The following TRPM8 variants were observed in gnomAD, a reference collection of about 807,000 sequenced individuals.
TRPM8 encodes the protein TRPM8 cationic channel.
Under a neutral mutation model 133.7 loss-of-function variants are expected in TRPM8, and 110 were observed. The ratio of observed to expected loss-of-function variants is 0.82; its 90% CI spans 0.70 to 0.96. The LOEUF (loss-of-function observed/expected upper bound fraction) is 0.96, where lower values mean the gene tolerates loss of function less well. Ranked by LOEUF, TRPM8 falls within the 40% of genes least tolerant of loss-of-function variation. The probability of loss-of-function intolerance (pLI) is 0.00; values close to 1 mark genes in which losing one functional copy is unlikely to be tolerated. For synonymous variants in TRPM8, 535 were observed against 532.3 expected (o/e 1.01, Z -0.07); for missense variants, 1,291 against 1,379.5 (o/e 0.94, Z 1.02).
intron 23 of TRPM8, 22 bp from the exon 24 acceptor site, chr2:234,008,048 T>C (rs372060051): frequency 1.1e-5 from 18 of 1,608,440 alleles, no homozygotes; most frequent in Non-Finnish European, 1.4e-5. Context: ...GTTCACTTTC[T>C]TTTTCATTAA....
intron 22 of TRPM8, among the ~76,000 whole-genome samples, chr2:233,997,366 C>T (rs1019639249): frequency 2.6e-5 from 4 of 152,202 alleles, no homozygotes; most frequent in African/African-American, 7.2e-5. Context: ...TCCTCCCTGC[C>T]CCATTCCCAG....
chr2:233,983,963 T>C (rs1321292011), intron 20 of TRPM8, among the ~76,000 whole-genome samples: 1 of 152,196 alleles, frequency 6.6e-6, no homozygotes, highest in Non-Finnish European at 1.5e-5. Flanking sequence ...TCCAAGACCT[T>C]AGAAACAGCT....
chr2:233,924,999 G>A (rs1480184984), intron 1 of TRPM8, among the ~76,000 whole-genome samples: 1 of 152,214 alleles, frequency 6.6e-6, no homozygotes, highest in East Asian at 1.9e-4. Flanking sequence ...AGCAGTGCCA[G>A]TCTCTGAGGT....
At position 234,006,896 on chromosome 2, in the gene TRPM8, C is replaced by G. The variant is rs11563071; in HGVS notation, c.3174C>G (p.Val1058=). Residue 1058 remains valine (V), a synonymous_variant, in exon 23 of 26, where the codon GTC becomes GTG. Coordinates refer to ENST00000324695, the MANE Select transcript of TRPM8 (RefSeq NM_024080.5). The stretch of plus-strand genomic sequence containing the variant: ...ATGAGACTCTGGCATGGGAGGGTGT[C>G]ATGAAGGAAAACTACCTTGTCAAGA... ...EDNETLAWEG[V]MKENYLVKIN... 160,723 of 1,611,872 alleles carry G rather than the reference C, an allele frequency of 0.1. 8,726 individuals carry two copies. Among genetic ancestry groups the G allele is most frequent in the African/African-American group, 0.18 (13,546 of 74,882 alleles).
At chr2:233,939,246 G>A in intron 5 of TRPM8, 71 bp downstream of exon 5, 2 of 1,537,352 alleles carry the variant, frequency 1.3e-6, no homozygotes, top group Non-Finnish European at 1.8e-6. Flanking sequence ...AGAGAAGGCA[G>A]TTCCCGTGTG....
At chr2:233,982,894 A>G (rs577796113) in intron 19 of TRPM8, among the ~76,000 whole-genome samples, 159 bp from the exon 20 acceptor site, 3 of 152,252 alleles carry the variant, frequency 2.0e-5, no homozygotes, top group South Asian at 2.1e-4. Context: ...GATGATGATG[A>G]CCGCTTTTGT....
At chr2:233,996,198 G>A (rs1692396921) in intron 21 of TRPM8, 128 bp from the exon 22 acceptor site, 1 of 762,372 alleles carries the variant, frequency 1.3e-6, no homozygotes, top group African/African-American at 1.7e-5. Context: ...GTATCACTCT[G>A]GATTCTTCTC....
In TRPM8 at chr2:233,985,868, A is replaced by G. The variant is rs201706972; in HGVS notation, c.2939+3A>G. ...AACCTGCTGGTCGCCATGTTTGGGTATGTGTTCAGTCACATGTTCACTGAT... is the reference window on the plus strand; with the variant it reads ...AACCTGCTGGTCGCCATGTTTGGGTGTGTGTTCAGTCACATGTTCACTGAT... On this transcript the variant is annotated splice_donor_region_variant and intron_variant, in intron 21 of 25. Coordinates refer to ENST00000324695, the MANE Select transcript of TRPM8 (RefSeq NM_024080.5). The G allele has an allele frequency of 6.2e-7, 1 of 1,609,848 alleles. No homozygotes were observed. The highest frequency in any genetic ancestry group is 8.5e-7 in the Non-Finnish European group (1 of 1,177,748).
chr2:233,930,734 A>G lies in TRPM8; in HGVS notation c.184A>G (p.Lys62Glu). The stretch of plus-strand genomic sequence containing the variant: ...ATGTGTCTTCTTTACCAAAGATTCC[A>G]AGGCCACGTAAGCTACTATTTTCCC... ...RECVFFTKDS[K>E]ATENVCKCGY... The change falls in exon 3 of 26, where the codon AAG (lysine) becomes GAG (glutamate). Residue 62 changes from lysine (K) to glutamate (E), a missense_variant. Physicochemically the swap from Lys to Glu is moderately conservative, Grantham distance 56. This residue lies in a region of TRPM8 where 963 missense variants were observed against 968.9 expected (regional missense o/e 0.99). Transcript: ENST00000324695. 6.2e-7 allele frequency: 1 copy of G among 1,605,688 alleles called. No homozygotes were observed. The highest frequency in any genetic ancestry group is 8.5e-7 in the Non-Finnish European group (1 of 1,174,540).
At chr2:233,918,457 G>C (rs1276848097) in intron 1 of TRPM8, among the ~76,000 whole-genome samples, 1 of 151,824 alleles carries the variant, frequency 6.6e-6, no homozygotes, top group East Asian at 1.9e-4. Flanking sequence ...AGACAGTAGG[G>C]GTCCAGGCTG....
chr2:233,996,582 G>T (rs1692409334), intron 22 of TRPM8, 66 bp downstream of exon 22: 4 of 1,384,530 alleles, frequency 2.9e-6, no homozygotes, highest in Non-Finnish European at 4.1e-6. Flanking sequence ...AGGATGCCTG[G>T]TGTGTATCTC....
intron 24 of TRPM8, among the ~76,000 whole-genome samples, chr2:234,012,061 A>T (rs1405082548): frequency 6.6e-6 from 1 of 150,928 alleles, no homozygotes; most frequent in Non-Finnish European, 1.5e-5. Flanking sequence ...TCCCTTCTAG[A>T]TAGCTCTTTG....
At chr2:233,944,867 T>A (rs1044744057) in intron 6 of TRPM8, among the ~76,000 whole-genome samples, 2 of 152,202 alleles carry the variant, frequency 1.3e-5, no homozygotes, top group Non-Finnish European at 2.9e-5. Context: ...TATTAACTCA[T>A]TTGATGTTCA....
intron 6 of TRPM8, 177 bp downstream of exon 6, chr2:233,942,925 T>C (rs943139862): frequency 3.8e-5 from 25 of 661,212 alleles, no homozygotes; most frequent in Non-Finnish European, 5.1e-5. Flanking sequence ...ACGTACCTAA[T>C]TAACTGCTGG....
At chr2:234,012,517 A>T (rs1692867918) in intron 24 of TRPM8, among the ~76,000 whole-genome samples, 1 of 150,390 alleles carries the variant, frequency 6.6e-6, no homozygotes, top group African/African-American at 2.5e-5. Context: ...AGTCTTTAGG[A>T]TTTTCTTCAT....
intron 17 of TRPM8, among the ~76,000 whole-genome samples, chr2:233,972,601 C>T (rs565380037): frequency 1.3e-5 from 2 of 152,346 alleles, no homozygotes; most frequent in Non-Finnish European, 2.9e-5. Flanking sequence ...CTGCAGGTCC[C>T]GAGCCCTGCC....
Position 233,942,566 on chromosome 2 carries a change from T to C in TRPM8, c.527-10T>C, listed in dbSNP as rs752211037. ...CCACTTGACCATTTACTCTTCCTAT[T>C]TGTTGACAGGTGCTTGGATTCTCAC... On this transcript the variant is annotated splice_polypyrimidine_tract_variant and intron_variant, in intron 5 of 25. Transcript: ENST00000324695. 2 of 1,614,162 alleles carry C rather than the reference T, an allele frequency of 1.2e-6. No homozygotes were observed. Among genetic ancestry groups the C allele is most frequent in the Admixed American group, 3.3e-5 (2 of 60,028 alleles).
chr2:233,995,099 C>T (rs574692346), intron 21 of TRPM8, among the ~76,000 whole-genome samples: 14 of 152,258 alleles, frequency 9.2e-5, no homozygotes, highest in East Asian at 1.9e-4. Flanking sequence ...AACAAATAGA[C>T]GTGGGGCTGG....
chr2:233,958,172 G>C (rs1015385302), intron 11 of TRPM8, among the ~76,000 whole-genome samples: 2 of 152,150 alleles, frequency 1.3e-5, no homozygotes, highest in Non-Finnish European at 2.9e-5. Context: ...CATGGCAGGG[G>C]GAGTTGCTGA....
Sources: allele counts gnomAD v4.1 joint callset (sites outside exome capture counted in the v4.1 genomes callset), GRCh38; gene constraint gnomAD v4.1.1; regional missense constraint gnomAD v4.1.1; transcripts MANE v1.5; gene names NCBI Gene and HGNC (gene_info 2026-07-23, HGNC 2026-07-21).